Variants in CFDP1 observed in about 807,000 individuals in gnomAD.
CFDP1 encodes the protein heterochromatin-stabilizing protein CFDP1.
CFDP1 carries 31 observed loss-of-function variants against 40.1 expected under a neutral mutation model. The ratio of observed to expected loss-of-function variants is 0.77; its 90% CI spans 0.58 to 1.04. The LOEUF (loss-of-function observed/expected upper bound fraction) is 1.04. Among genes scored for constraint, CFDP1 ranks in the 50% least tolerant of loss-of-function variants. The probability of loss-of-function intolerance (pLI) is 0.00; values close to 1 mark genes in which losing one functional copy is unlikely to be tolerated. For missense variants in CFDP1, 423 were observed against 343.4 expected, an observed-to-expected ratio of 1.23 and a Z score of -1.83; for synonymous variants, 167 against 120.0, an observed-to-expected ratio of 1.39 and a Z score of -2.56.
chr16:75,304,920 A>G, intron 6 of CFDP1, 104 bp downstream of exon 6: 1 of 1,221,086 alleles, frequency 8.2e-7, no homozygotes, highest in Non-Finnish European at 1.2e-6. Flanking sequence ...TAGTTCCATC[A>G]TGAAAAGCTC....
intron 6 of CFDP1, among the ~76,000 whole-genome samples, chr16:75,303,729 T>A (rs1366893276): frequency 3.3e-5 from 5 of 152,230 alleles, no homozygotes; most frequent in Non-Finnish European, 5.9e-5. Context: ...TGTAAAGTGC[T>A]TTATGTATAT....
intron 1 of CFDP1, 78 bp downstream of exon 1, chr16:75,433,211 G>C: frequency 1.4e-6 from 2 of 1,405,318 alleles, no homozygotes; most frequent in Non-Finnish European, 1.9e-6. Flanking sequence ...CAGGGCAGAC[G>C]CCCGCGGGGG....
At chr16:75,426,117 G>A (rs1380193257) in intron 1 of CFDP1, among the ~76,000 whole-genome samples, 2 of 150,316 alleles carry the variant, frequency 1.3e-5, no homozygotes, top group African/African-American at 4.9e-5. Context: ...TTGGGAGGCC[G>A]AGGTGGGCGG....
chr16:75,410,559 G>T (rs997752336), intron 4 of CFDP1, among the ~76,000 whole-genome samples: 1 of 152,008 alleles, frequency 6.6e-6, no homozygotes, highest in South Asian at 2.1e-4. Flanking sequence ...GGATCACGAG[G>T]TCAGGAGTTC....
Position 75,433,297 on chromosome 16 carries a change from A to G in CFDP1, c.56T>C (p.Val19Ala), listed in dbSNP as rs747633204. 7 of 1,600,200 alleles carry G rather than the reference A, an allele frequency of 4.4e-6. No homozygotes were observed. Among genetic ancestry groups the G allele is most frequent in the Non-Finnish European group, 6.0e-6 (7 of 1,174,836 alleles). The change falls in exon 1 of 7, where the codon GTG becomes GCG. Residue 19 changes from valine to alanine, a missense_variant. By Grantham distance (64) the Val-to-Ala change is moderately conservative (BLOSUM62 0). Transcript: ENST00000283882. ...FSTSEEDEDY[V>A]PSGGEYSEDD... Reference sequence around the variant, plus strand: ...CAGGCGGAATCGCTCACCCGACGGCACGTAGTCCTCGTCCTCCTCCGACGT... The same window carrying G: ...CAGGCGGAATCGCTCACCCGACGGCGCGTAGTCCTCGTCCTCCTCCGACGT...
intron 1 of CFDP1, among the ~76,000 whole-genome samples, chr16:75,431,905 G>A (rs1301456425): frequency 7.0e-6 from 1 of 141,916 alleles, no homozygotes; most frequent in African/African-American, 2.6e-5. Context: ...TGATGGGACT[G>A]GCTAACTTTT....
chr16:75,382,116 CA>C (rs1174400936), intron 5 of CFDP1, among the ~76,000 whole-genome samples: 13 of 113,348 alleles, frequency 1.1e-4, no homozygotes, highest in African/African-American at 3.7e-4. Context: ...ACCCCTGTCT[CA>C]AAAAAGAAAA....
At chr16:75,424,609 G>C (rs150841429) in intron 1 of CFDP1, among the ~76,000 whole-genome samples, 5 of 151,928 alleles carry the variant, frequency 3.3e-5, no homozygotes, top group Non-Finnish European at 7.4e-5. Context: ...CAAAAACTTA[G>C]CGGGCGTGGT....
chr16:75,314,043 C>G (rs8057535), intron 5 of CFDP1, among the ~76,000 whole-genome samples: 1 of 151,880 alleles, frequency 6.6e-6, no homozygotes, highest in African/African-American at 2.4e-5. Flanking sequence ...CGCTACCATG[C>G]CTGGCTAATT....
At chr16:75,377,293 G>A (rs1304429194) in intron 5 of CFDP1, among the ~76,000 whole-genome samples, 1 of 152,236 alleles carries the variant, frequency 6.6e-6, no homozygotes, top group African/African-American at 2.4e-5. Flanking sequence ...GATACATGAT[G>A]AATAGATGAA....
In CFDP1 at chr16:75,297,162, GTGTC is replaced by G. The variant is rs1413993843; in HGVS notation, c.810-3124_810-3121del. ...TCCCATTTCTTGTGTGTGTGTGTGT[GTGTC>G]TGTGTGTGTGTGTGTGTGTGTGTGT... On this transcript the variant is annotated intron_variant, in intron 6 of 6. Coordinates refer to ENST00000283882, the MANE Select transcript of CFDP1 (RefSeq NM_006324.3). 1.2e-3 allele frequency among the ~76,000 whole-genome samples: 167 copies of G among 134,606 alleles called. 7 individuals are homozygous for G. The highest frequency in any genetic ancestry group is 3.9e-3 in the South Asian group (15 of 3,844). 88.3% of individuals were successfully genotyped at this position (134,606 alleles called of 152,430 possible). A position where few individuals can be genotyped will look rare whatever the true frequency, so the allele number is the denominator to read the frequency against.
At chr16:75,369,446 T>G (rs2078737325) in intron 5 of CFDP1, among the ~76,000 whole-genome samples, 3 of 152,092 alleles carry the variant, frequency 2.0e-5, no homozygotes, top group African/African-American at 4.8e-5. Flanking sequence ...CACACTGCTA[T>G]ACAGAATTCT....
chr16:75,341,519 G>T (rs1340334205), intron 5 of CFDP1, among the ~76,000 whole-genome samples: 1 of 152,172 alleles, frequency 6.6e-6, no homozygotes, highest in Non-Finnish European at 1.5e-5. Context: ...AGATTGGCTA[G>T]ATTAGCAGAG....
At chr16:75,385,852 G>A (rs190443142) in intron 5 of CFDP1, among the ~76,000 whole-genome samples, 56 of 152,222 alleles carry the variant, frequency 3.7e-4, no homozygotes, top group African/African-American at 1.2e-3. Flanking sequence ...GAAGGTCTTC[G>A]TTTCCTTGCT....
intron 5 of CFDP1, among the ~76,000 whole-genome samples, chr16:75,330,300 T>A (rs948741791): frequency 2.0e-5 from 3 of 152,128 alleles, no homozygotes; most frequent in Non-Finnish European, 4.4e-5. Flanking sequence ...TCAAAAATAA[T>A]GATAAGCCTG....
chr16:75,395,612 T>C (rs1314494531), intron 4 of CFDP1, among the ~76,000 whole-genome samples: 1 of 151,998 alleles, frequency 6.6e-6, no homozygotes, highest in Non-Finnish European at 1.5e-5. Context: ...TGAGCCGAGA[T>C]CACGCCATTG....
intron 6 of CFDP1, among the ~76,000 whole-genome samples, chr16:75,294,895 C>T (rs1289304011): frequency 2.6e-5 from 4 of 152,146 alleles, no homozygotes; most frequent in East Asian, 1.9e-4. Flanking sequence ...AGCACAGGCG[C>T]GCTTGCTAGG....
intron 5 of CFDP1, among the ~76,000 whole-genome samples, chr16:75,310,282 T>A (rs750006652): frequency 6.6e-6 from 1 of 152,226 alleles, no homozygotes; most frequent in Non-Finnish European, 1.5e-5. Context: ...GAGACACTTA[T>A]TTTCCAAGCT....
intron 1 of CFDP1, chr16:75,418,970 T>C: frequency 3.6e-6 from 1 of 274,446 alleles, no homozygotes; most frequent in Non-Finnish European, 7.7e-6. Context: ...CAAGAGCCTG[T>C]TTCTATAAAA....
Sources: gnomAD v4.1 joint callset for allele counts (sites outside exome capture counted in the v4.1 genomes callset) on GRCh38, gnomAD v4.1.1 for gene constraint, MANE v1.5 for transcripts, NCBI Gene and HGNC (gene_info 2026-07-23, HGNC 2026-07-21) for gene names.